TNR: variants seen among roughly 807,000 people sequenced by gnomAD.
The protein encoded by TNR is tenascin R.
In TNR, 45 loss-of-function variants were observed where a neutral mutation model predicts 150.4. The observed-to-expected ratio is 0.30, with a 90% CI of 0.24 to 0.38. The LOEUF (loss-of-function observed/expected upper bound fraction) is 0.38, where lower values mean the gene tolerates loss of function less well. Ranked by LOEUF, TNR falls within the 10% of genes least tolerant of loss-of-function variation. The pLI is 1.00. For synonymous variants in TNR, 687 were observed against 678.4 expected (o/e 1.01, Z -0.20); for missense variants, 1,544 against 1,759.1 (o/e 0.88, Z 2.19).
At chr1:175,331,047 T>TTCTTTCTTTCTTTCTTTCTG (rs1649777051) in intron 20 of TNR, among the ~76,000 whole-genome samples, 2 of 91,006 alleles carry the variant, frequency 2.2e-5, no homozygotes, top group Admixed American at 1.3e-4. Flanking sequence ...CTTTCTTTCT[T>TTCTTTCTTTCTTTCTTTCTG]TCTTTCTTTC....
At chr1:175,476,486 T>C (rs1657550176) in intron 2 of TNR, among the ~76,000 whole-genome samples, 1 of 152,214 alleles carries the variant, frequency 6.6e-6, no homozygotes, top group South Asian at 2.1e-4. Flanking sequence ...TTTGAGCACC[T>C]GATCCACAGT....
intron 1 of TNR, among the ~76,000 whole-genome samples, chr1:175,539,431 T>A (rs1265072238): frequency 6.6e-6 from 1 of 152,160 alleles, no homozygotes; most frequent in African/African-American, 2.4e-5. Flanking sequence ...AACCCATGTG[T>A]GGAATCTGGG....
At chr1:175,673,872 A>G (rs551460678) in intron 1 of TNR, among the ~76,000 whole-genome samples, 1 of 152,374 alleles carries the variant, frequency 6.6e-6, no homozygotes, top group East Asian at 1.9e-4. Flanking sequence ...CCCAAAGAAC[A>G]AGAAACTCAA....
At chr1:175,646,374 A>G (rs1664808830) in intron 1 of TNR, among the ~76,000 whole-genome samples, 1 of 152,236 alleles carries the variant, frequency 6.6e-6, no homozygotes, top group African/African-American at 2.4e-5. Flanking sequence ...TTCCAGGATG[A>G]CATAGTCTGC....
chr1:175,365,370 C>T (rs749140581), intron 11 of TNR, 91 bp from the exon 12 acceptor site: 12 of 1,423,630 alleles, frequency 8.4e-6, no homozygotes, highest in South Asian at 1.5e-5. Context: ...GACCTGCTCT[C>T]CTTGCTAATA....
intron 2 of TNR, among the ~76,000 whole-genome samples, chr1:175,477,831 A>G (rs953492669): frequency 3.9e-5 from 6 of 152,220 alleles, no homozygotes; most frequent in African/African-American, 1.2e-4. Flanking sequence ...TGTCCATTCT[A>G]TCTCCCTGAG....
At chr1:175,586,734 G>T (rs919649991) in intron 1 of TNR, among the ~76,000 whole-genome samples, 5 of 152,182 alleles carry the variant, frequency 3.3e-5, no homozygotes, top group African/African-American at 1.2e-4. Context: ...CAGAAGTTTT[G>T]GTGAGAAGAG....
intron 4 of TNR, 44 bp downstream of exon 4, chr1:175,403,096 C>T (rs1462534646): frequency 1.9e-6 from 3 of 1,541,768 alleles, no homozygotes; most frequent in South Asian, 1.2e-5. Flanking sequence ...AGCTAGTTTG[C>T]TGGACCACCC....
rs1648882226 is a variant in TNR, at chr1:175,317,676, G to A, written c.*5681C>T. On this transcript the variant is annotated 3_prime_UTR_variant, in exon 23 of 23. Coordinates refer to ENST00000367674, the MANE Select transcript of TNR (RefSeq NM_003285.3). ...ACCTGAATCCATGGTGCCAGTGAGT[G>A]AGTGCCAGTACCCAGGAGAGCTGGC... 1 of 152,294 alleles carries A rather than the reference G, an allele frequency of 6.6e-6. No individual in the cohort carries two copies. 9.4% of individuals were successfully genotyped at this position (152,294 alleles called of 1,614,324 possible).
chr1:175,486,318 C>G (rs1237773567), intron 2 of TNR, among the ~76,000 whole-genome samples: 1 of 151,446 alleles, frequency 6.6e-6, no homozygotes, highest in Admixed American at 6.6e-5. Context: ...ATGTTTCCCT[C>G]CCTGTGTCCG....
chr1:175,603,099 C>T (rs1431208894), intron 1 of TNR, among the ~76,000 whole-genome samples: 2 of 152,088 alleles, frequency 1.3e-5, no homozygotes, highest in Non-Finnish European at 2.9e-5. Flanking sequence ...TGTCAGTAAA[C>T]GTGTGTTGTC....
intron 1 of TNR, among the ~76,000 whole-genome samples, chr1:175,596,864 T>C (rs950519356): frequency 5.9e-5 from 9 of 152,224 alleles, no homozygotes; most frequent in Non-Finnish European, 1.3e-4. Flanking sequence ...TATTTAATGT[T>C]CTTCCTTCTC....
intron 1 of TNR, among the ~76,000 whole-genome samples, chr1:175,539,919 G>A (rs1457533051): frequency 6.6e-6 from 1 of 151,990 alleles, no homozygotes; most frequent in East Asian, 1.9e-4. Flanking sequence ...GAGAGAAGAG[G>A]GACTTAAGGA....
chr1:175,326,861 T>C (rs1649426755), intron 21 of TNR, among the ~76,000 whole-genome samples: 1 of 152,036 alleles, frequency 6.6e-6, no homozygotes, highest in Admixed American at 6.5e-5. Flanking sequence ...AGAGACGAGG[T>C]TTCACTGTGT....
intron 1 of TNR, among the ~76,000 whole-genome samples, chr1:175,603,131 A>G (rs1359460407): frequency 1.3e-5 from 2 of 152,222 alleles, no homozygotes; most frequent in East Asian, 3.8e-4. Context: ...GGTGGGTAAC[A>G]AAAGTGATTT....
chr1:175,432,191 G>A (rs1655303509), intron 2 of TNR, among the ~76,000 whole-genome samples: 1 of 152,126 alleles, frequency 6.6e-6, no homozygotes, highest in Non-Finnish European at 1.5e-5. Flanking sequence ...CTAAGTGAAT[G>A]GCAACATCGA....
intron 1 of TNR, among the ~76,000 whole-genome samples, chr1:175,581,517 C>T (rs1200180093): frequency 6.6e-6 from 1 of 152,166 alleles, no homozygotes; most frequent in African/African-American, 2.4e-5. Flanking sequence ...AGTAGAAAAA[C>T]AATCTGTTGG....
intron 1 of TNR, among the ~76,000 whole-genome samples, chr1:175,590,659 G>A (rs1434800538): frequency 6.6e-6 from 1 of 152,252 alleles, no homozygotes; most frequent in Non-Finnish European, 1.5e-5. Flanking sequence ...TGGGTGGCCA[G>A]CAGTGAGGAG....
chr1:175,403,637 G>A, intron 3 of TNR, 21 bp from the exon 4 acceptor site: 4 of 1,588,766 alleles, frequency 2.5e-6, no homozygotes, highest in Admixed American at 1.7e-5. Context: ...CAAGGAGAAG[G>A]TCAAAGAGCA....
Sources: allele counts gnomAD v4.1 joint callset (sites outside exome capture counted in the v4.1 genomes callset), GRCh38; gene constraint gnomAD v4.1.1; transcripts MANE v1.5; gene names NCBI Gene and HGNC (gene_info 2026-07-23, HGNC 2026-07-21).